Variants in C2CD5 observed in about 807,000 individuals in gnomAD.
The protein encoded by C2CD5 is C2 calcium dependent domain containing 5.
Under a neutral mutation model 130.3 loss-of-function variants are expected in C2CD5, and 109 were observed. The observed-to-expected ratio is 0.84, with a 90% CI of 0.72 to 0.98. The LOEUF (loss-of-function observed/expected upper bound fraction) is 0.98. Ranked by LOEUF, C2CD5 falls within the 50% of genes least tolerant of loss-of-function variation. C2CD5 has a pLI of 0.00. For synonymous variants in C2CD5, 454 were observed against 429.2 expected (o/e 1.06, Z -0.71); for missense variants, 996 against 1,261.8 (o/e 0.79, Z 3.19).
At chr12:22,475,957 C>A (rs74068590) in intron 15 of C2CD5, among the ~76,000 whole-genome samples, 6,743 of 152,146 alleles carry the variant, frequency 0.044, 511 homozygotes, top group African/African-American at 0.15. Context: ...AGATACCACA[C>A]TACTTTTTAT....
At chr12:22,451,697 A>C (rs971191194) in intron 26 of C2CD5, among the ~76,000 whole-genome samples, 6 of 146,224 alleles carry the variant, frequency 4.1e-5, no homozygotes, top group Non-Finnish European at 9.2e-5. Context: ...ATGAAAAAAG[A>C]AAAAAAAAAA....
chr12:22,497,848 C>G (rs920887045), intron 10 of C2CD5, among the ~76,000 whole-genome samples: 7 of 151,490 alleles, frequency 4.6e-5, no homozygotes, highest in African/African-American at 1.7e-4. Flanking sequence ...TTTAGAAAGT[C>G]AAATGTGCAA....
chr12:22,505,454 A>G (rs775825807), intron 10 of C2CD5, among the ~76,000 whole-genome samples: 2 of 152,000 alleles, frequency 1.3e-5, no homozygotes, highest in Non-Finnish European at 2.9e-5. Context: ...TACAGGCATG[A>G]GCCACTGTGT....
At chr12:22,481,736 C>A (rs1944746062) in intron 14 of C2CD5, among the ~76,000 whole-genome samples, 1 of 146,654 alleles carries the variant, frequency 6.8e-6, no homozygotes, top group East Asian at 2.0e-4. Flanking sequence ...TTCACTGCAG[C>A]CTCAACCTCC....
In C2CD5 at chr12:22,541,867, A is replaced by G. The variant is rs374321615; in HGVS notation, c.90+2194T>C. Among the ~76,000 whole-genome samples, 19 of 152,334 alleles carry G rather than the reference A, an allele frequency of 1.2e-4. 1 individual carries two copies. Among genetic ancestry groups the G allele is most frequent in the African/African-American group, 4.3e-4 (18 of 41,574 alleles). On this transcript the variant is annotated intron_variant, in intron 2 of 26. Transcript: ENST00000446597. ...AATATAAGCTGAATTAAGAGAAGGAACCAAGTCTGTCTTATTCACCATGTA... is the reference window on the plus strand; with the variant it reads ...AATATAAGCTGAATTAAGAGAAGGAGCCAAGTCTGTCTTATTCACCATGTA...
At chr12:22,489,588 C>G (rs1946073253) in intron 12 of C2CD5, among the ~76,000 whole-genome samples, 1 of 151,914 alleles carries the variant, frequency 6.6e-6, no homozygotes, top group Non-Finnish European at 1.5e-5. Flanking sequence ...AAATACTATA[C>G]CATTTTATAT....
chr12:22,507,236 A>T (rs1801026903), intron 9 of C2CD5, among the ~76,000 whole-genome samples: 1 of 152,196 alleles, frequency 6.6e-6, no homozygotes, highest in Non-Finnish European at 1.5e-5. Flanking sequence ...AGACACTGGT[A>T]AAGACTCTAA....
chr12:22,540,365 T>C (rs1334250681), intron 2 of C2CD5, among the ~76,000 whole-genome samples: 1 of 152,234 alleles, frequency 6.6e-6, no homozygotes, highest in Admixed American at 6.5e-5. Context: ...CAGCATACTG[T>C]ATCTTTTACT....
intron 25 of C2CD5, 50 bp downstream of exon 25, chr12:22,456,921 A>G: frequency 1.6e-6 from 2 of 1,213,956 alleles, no homozygotes; most frequent in Non-Finnish European, 2.3e-6. Flanking sequence ...TTTGTTACTA[A>G]ATCTTCAGAG....
intron 10 of C2CD5, among the ~76,000 whole-genome samples, chr12:22,504,243 G>GCTT (rs1948175345): frequency 6.6e-6 from 1 of 150,382 alleles, no homozygotes; most frequent in Non-Finnish European, 1.5e-5. Flanking sequence ...TGTTCTCCCA[G>GCTT]ACTCTATAGC....
intron 3 of C2CD5, among the ~76,000 whole-genome samples, chr12:22,534,292 A>C (rs1951614554): frequency 6.6e-6 from 1 of 152,204 alleles, no homozygotes; most frequent in Admixed American, 6.5e-5. Context: ...TAAAACTCTT[A>C]CAAAAAAACA....
At chr12:22,535,124 G>A in intron 3 of C2CD5, 134 bp downstream of exon 3, 1 of 648,744 alleles carries the variant, frequency 1.5e-6, no homozygotes, top group East Asian at 2.8e-5. Flanking sequence ...AATATTCCTA[G>A]GTAAGCAGAA....
intron 12 of C2CD5, among the ~76,000 whole-genome samples, chr12:22,486,346 G>C (rs117362057): frequency 2.0e-5 from 3 of 152,298 alleles, no homozygotes; most frequent in East Asian, 3.9e-4. Context: ...GTTCAGGAAA[G>C]TCTAGAGGTG....
chr12:22,515,830 T>A (rs1049480220), intron 8 of C2CD5, among the ~76,000 whole-genome samples: 5 of 151,876 alleles, frequency 3.3e-5, no homozygotes, highest in African/African-American at 1.2e-4. Flanking sequence ...ATAAAAACTA[T>A]ACATAGTTAA....
chr12:22,450,603 T>C (rs1938368366), intron 26 of C2CD5, among the ~76,000 whole-genome samples: 1 of 152,092 alleles, frequency 6.6e-6, no homozygotes, highest in Non-Finnish European at 1.5e-5. Flanking sequence ...TCCTTCTATA[T>C]TTATATAAAG....
chr12:22,521,284 G>T (rs1950245911), intron 7 of C2CD5, among the ~76,000 whole-genome samples: 1 of 152,174 alleles, frequency 6.6e-6, no homozygotes, highest in Non-Finnish European at 1.5e-5. Context: ...GACTTAATTA[G>T]TAAGATGCCT....
At chr12:22,472,128 T>A in intron 18 of C2CD5, 63 bp from the exon 19 acceptor site, 3 of 1,045,860 alleles carry the variant, frequency 2.9e-6, no homozygotes, top group Non-Finnish European at 4.4e-6. Flanking sequence ...TAACAGTTGA[T>A]AAATTGCCAA....
intron 24 of C2CD5, among the ~76,000 whole-genome samples, chr12:22,458,193 A>G (rs1940357430): frequency 6.6e-6 from 1 of 152,200 alleles, no homozygotes. Context: ...TTTCAATAAG[A>G]GAGTTGGCAA....
intron 9 of C2CD5, among the ~76,000 whole-genome samples, chr12:22,508,872 T>C (rs1254011243): frequency 1.0e-5 from 1 of 99,616 alleles, no homozygotes; most frequent in Admixed American, 8.4e-5. Context: ...TACTTAAATC[T>C]TTTTTTTTTT....
Sources: gnomAD v4.1 joint callset for allele counts (sites outside exome capture counted in the v4.1 genomes callset) on GRCh38, gnomAD v4.1.1 for gene constraint, MANE v1.5 for transcripts, NCBI Gene and HGNC (gene_info 2026-07-23, HGNC 2026-07-21) for gene names.